The following ZNF654 variants were observed in gnomAD, a reference collection of about 807,000 sequenced individuals.
ZNF654 encodes the protein melanoma-associated antigen.
A neutral mutation model predicts 95.3 loss-of-function variants in ZNF654; 19 were observed. The ratio of observed to expected loss-of-function variants is 0.20; its 90% CI spans 0.14 to 0.29. ZNF654 has a LOEUF of 0.29. Ranked by LOEUF, ZNF654 falls within the 10% of genes least tolerant of loss-of-function variation. The pLI, the probability that ZNF654 is intolerant of heterozygous loss-of-function variation, is 1.00. For synonymous variants in ZNF654, 413 were observed against 457.9 expected (o/e 0.90, Z 1.25); for missense variants, 1,046 against 1,341.0 (o/e 0.78, Z 3.44).
intron 2 of ZNF654, among the ~76,000 whole-genome samples, chr3:88,106,321 G>A (rs562630904): frequency 4.1e-4 from 62 of 152,064 alleles, no homozygotes; most frequent in Non-Finnish European, 7.2e-4. Context: ...AGTTGAAAAT[G>A]TATATTTTTT....
intron 3 of ZNF654, among the ~76,000 whole-genome samples, chr3:88,123,358 A>T (rs567012580): frequency 6.6e-6 from 1 of 152,318 alleles, no homozygotes; most frequent in African/African-American, 2.4e-5. Context: ...TTTATAATTA[A>T]TTTTTATCTT....
intron 2 of ZNF654, among the ~76,000 whole-genome samples, chr3:88,103,790 G>A (rs1704573974): frequency 7.6e-6 from 1 of 130,846 alleles, no homozygotes; most frequent in Non-Finnish European, 1.6e-5. Context: ...TTTTTGAGAT[G>A]GAGTCTTGCT....
chr3:88,133,201 G>A (rs1041428434), intron 6 of ZNF654, among the ~76,000 whole-genome samples: 4 of 152,100 alleles, frequency 2.6e-5, no homozygotes, highest in African/African-American at 7.2e-5. Flanking sequence ...TCACATAGGA[G>A]ACATGGCCAC....
Position 88,140,861 on chromosome 3 carries a change from A to G in ZNF654, c.3192A>G (p.Pro1064=). 6.2e-7 allele frequency: 1 copy of G among 1,613,678 alleles called. No individual in the cohort carries two copies. The highest frequency in any genetic ancestry group is 8.5e-7 in the Non-Finnish European group (1 of 1,179,694). The change falls in exon 8 of 9, where the codon CCA becomes CCG. Residue 1064 remains proline, a synonymous_variant. Coordinates refer to ENST00000636215, the MANE Select transcript of ZNF654 (RefSeq NM_001350134.2). The part of the protein sequence containing the change: ...SYLDERYLSM[P]KRRKFLTDRV... ...TTGATGAACGGTATCTTAGTATGCCAAAACGCAGAAAATTTCTGACTGATA... is the reference window on the plus strand; with the variant it reads ...TTGATGAACGGTATCTTAGTATGCCGAAACGCAGAAAATTTCTGACTGATA...
chr3:88,067,756 C>T (rs759893682), intron 1 of ZNF654, among the ~76,000 whole-genome samples: 5 of 152,072 alleles, frequency 3.3e-5, no homozygotes, highest in Non-Finnish European at 5.9e-5. Flanking sequence ...GATCAGTAGT[C>T]AGGTTGGAGT....
Position 88,139,034 on chromosome 3 carries a change from A to G in ZNF654, c.1365A>G (p.Val455=). Residue 455 remains valine, a synonymous_variant, in exon 8 of 9, where the codon GTA becomes GTG. Transcript: ENST00000636215. ...TTGACCCTGAATTTTGGAACTTCGT[A>G]ATGATTAAGAAAAACTGTGTAGCAT... ...LFFDPEFWNF[V]MIKKNCVALL... 1 of 1,242,798 alleles carries G rather than the reference A, an allele frequency of 8.0e-7. No individual in the cohort carries two copies. The highest frequency in any genetic ancestry group is 1.0e-6 in the Non-Finnish European group (1 of 994,922). The allele number at this position is 1,242,798 out of a possible 1,614,324, so 77.0% of individuals were successfully genotyped here. A position where few individuals can be genotyped will look rare whatever the true frequency, so the allele number is the denominator to read the frequency against.
At chr3:88,083,422 A>G (rs372700235) in intron 1 of ZNF654, among the ~76,000 whole-genome samples, 2 of 152,314 alleles carry the variant, frequency 1.3e-5, no homozygotes, top group South Asian at 2.1e-4. Context: ...AGAGCAGAGT[A>G]TATGCTCTTG....
intron 1 of ZNF654, among the ~76,000 whole-genome samples, chr3:88,067,006 T>G (rs1389123196): frequency 6.6e-6 from 1 of 152,208 alleles, no homozygotes; most frequent in Non-Finnish European, 1.5e-5. Context: ...TATGAAATCC[T>G]AAAGTCTAGT....
chr3:88,143,633 C>G lies in ZNF654; in HGVS notation c.*1981C>G, dbSNP rs148485309. ...TATAAATCCATGCCCACAAAGTATT[C>G]CATTTTCATTACTTTTACTGTTCAT... On this transcript the variant is annotated 3_prime_UTR_variant, in exon 9 of 9. Transcript: ENST00000636215. 9.2e-4 allele frequency: 140 copies of G among 152,360 alleles called. No homozygotes were observed. Among genetic ancestry groups the G allele is most frequent in the African/African-American group, 3.3e-3 (137 of 41,534 alleles). 9.4% of individuals were successfully genotyped at this position (152,360 alleles called of 1,614,324 possible).
At chr3:88,129,295 TCAA>T (rs1333356604) in intron 5 of ZNF654, among the ~76,000 whole-genome samples, 1 of 85,754 alleles carries the variant, frequency 1.2e-5, no homozygotes. Context: ...CAAATAAAAG[TCAA>T]CAAGCTCACA....
At chr3:88,134,192 T>C (rs1173281714) in intron 6 of ZNF654, among the ~76,000 whole-genome samples, 1 of 152,054 alleles carries the variant, frequency 6.6e-6, no homozygotes, top group Non-Finnish European at 1.5e-5. Context: ...ACTACTCATA[T>C]GTTGCTTGCT....
chr3:88,131,932 T>C (rs4337654), intron 6 of ZNF654, among the ~76,000 whole-genome samples: 114,562 of 151,960 alleles, frequency 0.75, 45,021 homozygotes, highest in South Asian at 0.91. Flanking sequence ...TCTGTGTGAA[T>C]AGAACCAGAT....
At chr3:88,096,731 A>T (rs1304111991) in intron 2 of ZNF654, among the ~76,000 whole-genome samples, 1 of 152,034 alleles carries the variant, frequency 6.6e-6, no homozygotes, top group Non-Finnish European at 1.5e-5. Flanking sequence ...TGAGTAGGTA[A>T]TACATGTTCA....
chr3:88,059,525 C>T lies in ZNF654; in HGVS notation c.186+20C>T, dbSNP rs1164457618. On this transcript the variant is annotated intron_variant, in intron 1 of 8. Coordinates refer to ENST00000636215, the MANE Select transcript of ZNF654 (RefSeq NM_001350134.2). ...TGTCAGGTGAGGCGTCCGTTGGCCG[C>T]CCCGACTTGTCACCCGGGTCCTGGG... The T allele has an allele frequency of 2.7e-6, 4 of 1,459,896 alleles. No homozygotes were observed. Among genetic ancestry groups the T allele is most frequent in the Non-Finnish European group, 3.6e-6 (4 of 1,114,044 alleles). The allele number at this position is 1,459,896 out of a possible 1,614,324, so 90.4% of individuals were successfully genotyped here. A position where few individuals can be genotyped will look rare whatever the true frequency, so the allele number is the denominator to read the frequency against.
Position 88,126,931 on chromosome 3 carries a change from C to T in ZNF654, c.550+662C>T, listed in dbSNP as rs78701755. 4.6e-3 allele frequency among the ~76,000 whole-genome samples: 707 copies of T among 152,292 alleles called. 45 individuals carry two copies. In the East Asian group the frequency reaches 0.12, roughly 26 times the overall value. ...TCTTTGATATCACCTCCTGTCCAAT[C>T]TGATTTAACAGCGGTCCTTTGTAGG... On this transcript the variant is annotated intron_variant, in intron 4 of 8. Transcript: ENST00000636215.
intron 7 of ZNF654, among the ~76,000 whole-genome samples, chr3:88,138,260 A>G (rs1053937551): frequency 2.0e-5 from 3 of 152,146 alleles, no homozygotes; most frequent in Admixed American, 6.6e-5. Context: ...AAGTTCCCAT[A>G]AGCAGTTTTT....
intron 7 of ZNF654, 129 bp downstream of exon 7, chr3:88,135,331 A>ATGGTGATGTG: frequency 1.5e-6 from 1 of 662,776 alleles, no homozygotes. Flanking sequence ...CACATTCTCC[A>ATGGTGATGTG]TACATTACAT....
At chr3:88,115,963 C>T (rs1035449194) in intron 3 of ZNF654, among the ~76,000 whole-genome samples, 5 of 152,114 alleles carry the variant, frequency 3.3e-5, no homozygotes, top group Non-Finnish European at 7.3e-5. Flanking sequence ...CCAAACAATA[C>T]TTGATTGACT....
intron 1 of ZNF654, among the ~76,000 whole-genome samples, chr3:88,059,921 C>A (rs1207653442): frequency 6.6e-6 from 1 of 152,098 alleles, no homozygotes; most frequent in Admixed American, 6.5e-5. Flanking sequence ...CGATTGCCCC[C>A]CGTGTTCTCC....
Sources: gnomAD v4.1 joint callset for allele counts (sites outside exome capture counted in the v4.1 genomes callset) on GRCh38, gnomAD v4.1.1 for gene constraint, MANE v1.5 for transcripts, NCBI Gene and HGNC (gene_info 2026-07-23, HGNC 2026-07-21) for gene names.